The following LRBA variants were observed in gnomAD, a reference collection of about 807,000 sequenced individuals.
LRBA encodes lipopolysaccharide-responsive and beige-like anchor protein.
In LRBA, 176 loss-of-function variants were observed where a neutral mutation model predicts 330.0. The observed-to-expected ratio is 0.53, with a 90% confidence interval of 0.47 to 0.60. The LOEUF (loss-of-function observed/expected upper bound fraction) is 0.60. LRBA is among the 20% of genes least tolerant of loss of function. The probability of loss-of-function intolerance (pLI) is 0.00; values close to 1 mark genes in which losing one functional copy is unlikely to be tolerated. For synonymous variants in LRBA, 1,230 were observed against 1,193.0 expected, an observed-to-expected ratio of 1.03 and a Z score of -0.64; for missense variants, 3,259 against 3,444.8, an observed-to-expected ratio of 0.95 and a Z score of 1.35.
intron 40 of LRBA, among the ~76,000 whole-genome samples, chr4:150,547,918 C>G (rs4696518): frequency 0.65 from 98,616 of 151,904 alleles, 32,256 homozygotes; most frequent in East Asian, 0.7. Context: ...AATAATTTTT[C>G]GCTTTATAAA....
chr4:150,761,765 TA>T lies in LRBA; in HGVS notation c.5645+17del. On this transcript the variant is annotated intron_variant, in intron 35 of 56. Coordinates refer to ENST00000651943, the MANE Select transcript of LRBA (RefSeq NM_001364905.1). ...TTTTAAAGAAAAATACAAAATGAAT[TA>T]AAATAAAATAAATTACCTTCCTTCA... The T allele has an allele frequency of 6.8e-7, 1 of 1,470,140 alleles. No individual in the cohort carries two copies. The highest frequency in any genetic ancestry group is 9.2e-7 in the Non-Finnish European group (1 of 1,082,670). 91.1% of individuals were successfully genotyped at this position (1,470,140 alleles called of 1,614,324 possible).
In LRBA at chr4:150,583,527, T is replaced by C. The variant is rs1028628066; in HGVS notation, c.6330+4521A>G. 8.7e-6 allele frequency: 14 copies of C among 1,613,860 alleles called. No individual in the cohort carries two copies. Among genetic ancestry groups the C allele is most frequent in the Admixed American group, 3.3e-5 (2 of 60,014 alleles). On this transcript the variant is annotated intron_variant, in intron 40 of 56. Coordinates refer to ENST00000651943, the MANE Select transcript of LRBA (RefSeq NM_001364905.1). This position sits in a 1 kb window ranked among gnomAD's most constrained non-coding sequence, Gnocchi z 9.8. ...TCAAGTTGCGCATCAGGGAGCGCTA[T>C]GTGGTGCAAATCACTCCGGCGTTCA...
At chr4:150,381,046 C>A (rs1358478346) in intron 47 of LRBA, among the ~76,000 whole-genome samples, 2 of 150,076 alleles carry the variant, frequency 1.3e-5, no homozygotes, top group Non-Finnish European at 3.0e-5. Flanking sequence ...TTTAATATTC[C>A]TTAGGAAATA....
At chr4:150,759,869 A>T (rs1232105668) in intron 35 of LRBA, among the ~76,000 whole-genome samples, 1 of 152,206 alleles carries the variant, frequency 6.6e-6, no homozygotes. Context: ...CTGAAACCTG[A>T]ACCCAGGGCT....
intron 35 of LRBA, among the ~76,000 whole-genome samples, chr4:150,746,623 G>C (rs1001837860): frequency 2.7e-5 from 4 of 149,584 alleles, no homozygotes; most frequent in African/African-American, 9.9e-5. Context: ...TGATTCTCCT[G>C]CCTCAGCCTC....
At chr4:150,762,120 G>A (rs1735174637) in intron 34 of LRBA, among the ~76,000 whole-genome samples, 1 of 151,906 alleles carries the variant, frequency 6.6e-6, no homozygotes, top group Non-Finnish European at 1.5e-5. Context: ...AAATAGTTGG[G>A]AGCTGGGAAA....
chr4:150,775,074 C>T (rs2126552219), intron 34 of LRBA, among the ~76,000 whole-genome samples: 1 of 152,208 alleles, frequency 6.6e-6, no homozygotes, highest in Non-Finnish European at 1.5e-5. Flanking sequence ...TGACTGAATG[C>T]CACCACTTGG....
chr4:150,640,093 G>A (rs987364580), intron 37 of LRBA, among the ~76,000 whole-genome samples: 3 of 151,232 alleles, frequency 2.0e-5, no homozygotes, highest in African/African-American at 7.3e-5. Context: ...CCTGACCTAG[G>A]CAATCGACCC....
intron 2 of LRBA, among the ~76,000 whole-genome samples, chr4:150,934,370 T>C (rs1734839372): frequency 1.3e-5 from 2 of 151,976 alleles, no homozygotes; most frequent in South Asian, 2.1e-4. Context: ...AAATAACAGA[T>C]ACAACACATC....
intron 36 of LRBA, among the ~76,000 whole-genome samples, chr4:150,727,067 GTTTTTTTT>G (rs34671398): frequency 1.3e-5 from 1 of 79,500 alleles, no homozygotes; most frequent in East Asian, 4.5e-4. Flanking sequence ...ACATTTCGTT[GTTTTTTTT>G]TTTTTTTTTT....
At chr4:150,817,684 T>C (rs1744810821) in intron 30 of LRBA, among the ~76,000 whole-genome samples, 1 of 151,390 alleles carries the variant, frequency 6.6e-6, no homozygotes, top group Non-Finnish European at 1.5e-5. Context: ...CTAACATGTA[T>C]ACAACCCAGT....
intron 40 of LRBA, among the ~76,000 whole-genome samples, chr4:150,572,850 T>A (rs983811677): frequency 6.6e-6 from 1 of 152,084 alleles, no homozygotes; most frequent in Non-Finnish European, 1.5e-5. Flanking sequence ...CTGTCACCCA[T>A]TACCCATACT....
In LRBA at chr4:150,321,599, T is replaced by G. The variant is rs75535931; in HGVS notation, c.7453-231A>C. Among the ~76,000 whole-genome samples the G allele has an allele frequency of 6.6e-6, 1 of 152,154 alleles. No individual in the cohort carries two copies. The highest frequency in any genetic ancestry group is 6.6e-5 in the Admixed American group (1 of 15,260). ...TTTTGGGGGACTGAAGTAGAATACA[T>G]TAACAGAAACACTTTAAAATTTATA... is the stretch of plus-strand genomic sequence containing the variant. On this transcript the variant is annotated intron_variant, in intron 49 of 56. Transcript: ENST00000651943. This position sits in a 1 kb window ranked among gnomAD's most constrained non-coding sequence, Gnocchi z 4.5.
intron 53 of LRBA, among the ~76,000 whole-genome samples, chr4:150,295,786 A>C (rs921099809): frequency 6.6e-6 from 1 of 152,154 alleles, no homozygotes; most frequent in Non-Finnish European, 1.5e-5. Context: ...CAATATTACA[A>C]ATTTATAGTA....
intron 36 of LRBA, among the ~76,000 whole-genome samples, chr4:150,684,638 G>A (rs1783370811): frequency 6.6e-6 from 1 of 152,092 alleles, no homozygotes; most frequent in Non-Finnish European, 1.5e-5. Flanking sequence ...TACTTGTGGT[G>A]TCATGTTTAT....
At chr4:150,974,588 A>T (rs1413344991) in intron 2 of LRBA, among the ~76,000 whole-genome samples, 2 of 152,242 alleles carry the variant, frequency 1.3e-5, no homozygotes, top group African/African-American at 4.8e-5. Flanking sequence ...CTACCATTGC[A>T]ATATTTAAAA....
chr4:150,680,668 G>T (rs1782976146), intron 37 of LRBA, among the ~76,000 whole-genome samples: 1 of 152,134 alleles, frequency 6.6e-6, no homozygotes, highest in Non-Finnish European at 1.5e-5. Context: ...GGATAAATTG[G>T]ATTCTTTTTT....
chr4:150,871,047 C>T (rs1201475135), intron 19 of LRBA, among the ~76,000 whole-genome samples: 4 of 151,904 alleles, frequency 2.6e-5, no homozygotes, highest in Non-Finnish European at 5.9e-5. Context: ...AGTTCGAGAC[C>T]AGCCTAGCCA....
intron 42 of LRBA, among the ~76,000 whole-genome samples, chr4:150,475,949 T>A (rs1399503621): frequency 1.3e-5 from 2 of 151,940 alleles, no homozygotes; most frequent in African/African-American, 4.8e-5. Flanking sequence ...AGATTCTATA[T>A]GCTCAATAGT....
Sources: allele counts gnomAD v4.1 joint callset (sites outside exome capture counted in the v4.1 genomes callset), GRCh38; gene constraint gnomAD v4.1.1; non-coding constraint Gnocchi (gnomAD v3.1); transcripts MANE v1.5; gene names NCBI Gene and HGNC (gene_info 2026-07-23, HGNC 2026-07-21).